The following CRYBG3 variants were observed in gnomAD, a reference collection of about 807,000 sequenced individuals.
CRYBG3 encodes the protein crystallin beta-gamma domain containing 3.
A neutral mutation model predicts 244.2 loss-of-function variants in CRYBG3; 127 were observed. The ratio of observed to expected loss-of-function variants is 0.52; its 90% CI spans 0.45 to 0.60. CRYBG3 has a LOEUF of 0.60. CRYBG3 is among the 20% of genes least tolerant of loss of function. The pLI, the probability that CRYBG3 is intolerant of heterozygous loss-of-function variation, is 0.00. For synonymous variants in CRYBG3, 1,132 were observed against 1,195.8 expected (o/e 0.95, Z 1.10); for missense variants, 3,325 against 3,442.5 (o/e 0.97, Z 0.85).
Position 97,824,582 on chromosome 3 carries a change from GT to G in CRYBG3, c.149+2232del, listed in dbSNP as rs2038553872. Among the ~76,000 whole-genome samples, 5 of 152,046 alleles carry G rather than the reference GT, an allele frequency of 3.3e-5. No individual in the cohort carries two copies. The South Asian group carries it at 1.0e-3, about 32-fold the overall frequency. On this transcript the variant is annotated intron_variant, in intron 1 of 21. Coordinates refer to ENST00000389622, the MANE Select transcript of CRYBG3 (RefSeq NM_153605.4). ...TGTTTTGAACCATAGGAAAATCTTT[GT>G]TTTTATGGTGTGCTGTGATTTATAT...
intron 17 of CRYBG3, among the ~76,000 whole-genome samples, chr3:97,928,030 C>T (rs2040058912): frequency 6.6e-6 from 1 of 151,946 alleles, no homozygotes; most frequent in South Asian, 2.1e-4. Context: ...ACCATTTGAC[C>T]TAGCAATTCC....
intron 19 of CRYBG3, among the ~76,000 whole-genome samples, chr3:97,938,738 A>G (rs2040190846): frequency 6.6e-6 from 1 of 152,040 alleles, no homozygotes; most frequent in Admixed American, 6.6e-5. Flanking sequence ...ATGTATATGA[A>G]CAGTCTGATA....
At chr3:97,868,691 A>C (rs2039265779) in intron 3 of CRYBG3, among the ~76,000 whole-genome samples, 1 of 152,202 alleles carries the variant, frequency 6.6e-6, no homozygotes, top group Non-Finnish European at 1.5e-5. Flanking sequence ...CCTGCAAAGG[A>C]CCCCAATACC....
chr3:97,941,061 C>A, intron 19 of CRYBG3, 87 bp from the exon 20 acceptor site: 1 of 1,084,858 alleles, frequency 9.2e-7, no homozygotes, highest in Non-Finnish European at 1.3e-6. Flanking sequence ...AGTTACCTCT[C>A]ACTTTCCCTC....
In CRYBG3 at chr3:97,910,205, G is replaced by T. The variant is rs570172871; in HGVS notation, c.8005-1962G>T. Among the ~76,000 whole-genome samples the T allele has an allele frequency of 1.1e-4, 16 of 151,976 alleles. No homozygotes were observed. The East Asian group carries it at 3.1e-3, about 30-fold the overall frequency. On this transcript the variant is annotated intron_variant, in intron 15 of 21. Coordinates refer to ENST00000389622, the MANE Select transcript of CRYBG3 (RefSeq NM_153605.4). ...AGAGGTTACTGCTGTCTTTTTGTTT[G>T]TCTGTGCCCTGCCCCCAGAGGTGGA...
intron 2 of CRYBG3, among the ~76,000 whole-genome samples, chr3:97,859,549 A>G (rs77293780): frequency 0.035 from 5,339 of 152,246 alleles, 304 homozygotes; most frequent in African/African-American, 0.12. Flanking sequence ...CTTGTTGATT[A>G]TTTATTGAAT....
rs970216175 is a variant in CRYBG3 at position 97,871,827 on chromosome 3, G to A, written c.648-15G>A. The A allele has an allele frequency of 4.1e-5, 60 of 1,464,574 alleles. No homozygotes were observed. The highest frequency in any genetic ancestry group is 5.3e-5 in the Non-Finnish European group (59 of 1,115,316). The allele number at this position is 1,464,574 out of a possible 1,614,324, so 90.7% of individuals were successfully genotyped here. A position where few individuals can be genotyped will look rare whatever the true frequency, so the allele number is the denominator to read the frequency against. ...TAATTATATTTCCTGATACTCTCAT[G>A]CTTTCTTTTTACAGACAAATCGATG... is the stretch of plus-strand genomic sequence containing the variant. On this transcript the variant is annotated splice_polypyrimidine_tract_variant and intron_variant, in intron 3 of 21. Coordinates refer to ENST00000389622, the MANE Select transcript of CRYBG3 (RefSeq NM_153605.4).
rs776283180 is a variant in CRYBG3, at chr3:97,933,542, C to T, written c.8242-152C>T. The T allele has an allele frequency of 4.4e-5, 35 of 789,182 alleles. No homozygotes were observed. The African/African-American group carries it at 6.0e-4, about 14-fold the overall frequency. The allele number at this position is 789,182 out of a possible 1,614,324, so 48.9% of individuals were successfully genotyped here. A position where few individuals can be genotyped will look rare whatever the true frequency, so the allele number is the denominator to read the frequency against. Reference sequence around the variant, plus strand: ...AATTATTAATAAAATCTAATCTTTCCAGTGCAGTTTTGACTATAGCAACCT... The same window carrying T: ...AATTATTAATAAAATCTAATCTTTCTAGTGCAGTTTTGACTATAGCAACCT... On this transcript the variant is annotated intron_variant, in intron 17 of 21. Transcript: ENST00000389622.
chr3:97,838,537 A>G (rs1289268622), intron 1 of CRYBG3, among the ~76,000 whole-genome samples: 1 of 152,130 alleles, frequency 6.6e-6, no homozygotes, highest in Non-Finnish European at 1.5e-5. Flanking sequence ...TGTTTGAGAA[A>G]CATAGATGCC....
rs1218027280 is a variant in CRYBG3 at position 97,877,845 on chromosome 3, C to T, written c.6651C>T (p.Thr2217=). The change falls in exon 4 of 22, where the codon ACC becomes ACT. Residue 2217 remains threonine, a synonymous_variant. Coordinates refer to ENST00000389622, the MANE Select transcript of CRYBG3 (RefSeq NM_153605.4). The part of the protein sequence containing the change: ...NLQVGLWPEK[T]SFLQKSDLTS... ...AAGTTGGTCTGTGGCCAGAAAAGAC[C>T]TCGTTTCTCCAGAAATCTGACCTTA... 2 of 1,613,934 alleles carry T rather than the reference C, an allele frequency of 1.2e-6. No homozygotes were observed. Among genetic ancestry groups the T allele is most frequent in the Admixed American group, 1.7e-5 (1 of 59,988 alleles).
rs1292123718 is a variant in CRYBG3 at position 97,874,357 on chromosome 3, G to A, written c.3163G>A (p.Gly1055Ser). The change falls in exon 4 of 22, where the codon GGT (glycine) becomes AGT (serine). Residue 1055 changes from glycine to serine, a missense_variant. Coordinates refer to ENST00000389622, the MANE Select transcript of CRYBG3 (RefSeq NM_153605.4). ...RKKENIHFLNGGIDSVSSSSS... is the reference protein window; with the variant it reads ...RKKENIHFLNSGIDSVSSSSS... ...GAAAGAGAACATCCATTTTTTAAATGGTGGTATTGATAGTGTGTCATCTTC... is the reference window on the plus strand; with the variant it reads ...GAAAGAGAACATCCATTTTTTAAATAGTGGTATTGATAGTGTGTCATCTTC... 3.9e-6 allele frequency: 6 copies of A among 1,525,046 alleles called. No individual in the cohort carries two copies. The African/African-American group carries it at 5.5e-5, about 14-fold the overall frequency. 94.5% of individuals were successfully genotyped at this position (1,525,046 alleles called of 1,614,324 possible).
intron 17 of CRYBG3, chr3:97,933,267 A>G (rs765632314): frequency 2.6e-6 from 1 of 379,352 alleles, no homozygotes; most frequent in Admixed American, 3.6e-5. Context: ...TTAAGAGCTT[A>G]CCACCACAGA....
chr3:97,841,452 T>G (rs1304538078), intron 1 of CRYBG3, among the ~76,000 whole-genome samples: 2 of 151,994 alleles, frequency 1.3e-5, no homozygotes, highest in Non-Finnish European at 2.9e-5. Flanking sequence ...CTTAATGACA[T>G]TTTAATCCAT....
chr3:97,841,932 C>A (rs764832510), intron 1 of CRYBG3, among the ~76,000 whole-genome samples: 2 of 152,142 alleles, frequency 1.3e-5, no homozygotes, highest in African/African-American at 2.4e-5. Flanking sequence ...CAGAAAATGC[C>A]CGATTCTCTA....
chr3:97,885,727 G>A (rs1037699329), intron 7 of CRYBG3, among the ~76,000 whole-genome samples: 1 of 152,152 alleles, frequency 6.6e-6, no homozygotes, highest in Non-Finnish European at 1.5e-5. Context: ...CAATATGATT[G>A]CAGAGTTGTA....
At position 97,889,337 on chromosome 3, in the gene CRYBG3, C is replaced by T. The variant is rs1448222078; in HGVS notation, c.7405-18C>T. On this transcript the variant is annotated intron_variant, in intron 9 of 21. Transcript: ENST00000389622. ...AAATATTTACCTGTCTAATATTAAA[C>T]TATCTTGTCATCTTAAGGGTGGACT... The T allele has an allele frequency of 3.8e-6, 6 of 1,583,052 alleles. No individual in the cohort carries two copies. In the African/African-American group the frequency reaches 6.7e-5, roughly 18 times the overall value.
At chr3:97,827,324 G>T (rs148048517) in intron 1 of CRYBG3, among the ~76,000 whole-genome samples, 48 of 152,304 alleles carry the variant, frequency 3.2e-4, no homozygotes, top group African/African-American at 9.9e-4. Context: ...TCAGCTAGGG[G>T]TGGTACCCTC....
intron 15 of CRYBG3, among the ~76,000 whole-genome samples, chr3:97,903,801 G>T (rs972301652): frequency 7.9e-5 from 12 of 152,068 alleles, no homozygotes; most frequent in African/African-American, 2.2e-4. Flanking sequence ...ATAATATAGT[G>T]GAGATAATTT....
intron 3 of CRYBG3, among the ~76,000 whole-genome samples, chr3:97,866,760 C>T (rs1189352674): frequency 6.6e-6 from 1 of 152,026 alleles, no homozygotes; most frequent in African/African-American, 2.4e-5. Context: ...TACTTTTCCT[C>T]TTATTTATTG....
Sources: allele counts gnomAD v4.1 joint callset (sites outside exome capture counted in the v4.1 genomes callset), GRCh38; gene constraint gnomAD v4.1.1; transcripts MANE v1.5; gene names NCBI Gene and HGNC (gene_info 2026-07-23, HGNC 2026-07-21).